The following CCDC171 variants were observed in gnomAD, a reference collection of about 807,000 sequenced individuals.
CCDC171 encodes coiled-coil domain-containing protein 171.
CCDC171 carries 177 observed loss-of-function variants against 168.2 expected under a neutral mutation model. The ratio of observed to expected loss-of-function variants is 1.05; its 90% CI spans 0.93 to 1.19. The LOEUF is 1.19. CCDC171 is among the 50% of genes most tolerant of loss of function. The pLI, the probability that CCDC171 is intolerant of heterozygous loss-of-function variation, is 0.00. For missense variants in CCDC171, 1,991 were observed against 1,539.0 expected (o/e 1.29, Z -4.91); for synonymous variants, 687 against 540.8 (o/e 1.27, Z -3.75).
the CCDC171 span, among the ~76,000 whole-genome samples, chr9:16,072,844 G>A: frequency 1.3e-5 from 2 of 152,178 alleles, no homozygotes; most frequent in Non-Finnish European, 2.9e-5. Flanking sequence ...CTGCGTCTTA[G>A]CATCAATCTT....
At chr9:15,803,998 G>A (rs964403761) in intron 21 of CCDC171, among the ~76,000 whole-genome samples, 2 of 151,948 alleles carry the variant, frequency 1.3e-5, no homozygotes, top group African/African-American at 4.8e-5. Flanking sequence ...TGTGGCAATT[G>A]TGAATGGGAG....
intron 16 of CCDC171, among the ~76,000 whole-genome samples, chr9:15,735,756 A>G (rs1452488289): frequency 6.6e-6 from 1 of 152,104 alleles, no homozygotes; most frequent in East Asian, 1.9e-4. Context: ...TCCTTAAGGT[A>G]TACACGCCAG....
intron 18 of CCDC171, among the ~76,000 whole-genome samples, chr9:15,754,560 C>G (rs1260693398): frequency 6.6e-6 from 1 of 152,034 alleles, no homozygotes; most frequent in Non-Finnish European, 1.5e-5. Context: ...CATTTTCAGG[C>G]TACTAATTAT....
chr9:15,686,105 T>A (rs546650740), intron 10 of CCDC171, among the ~76,000 whole-genome samples: 1 of 152,196 alleles, frequency 6.6e-6, no homozygotes, highest in Non-Finnish European at 1.5e-5. Context: ...AAGAGAATTA[T>A]TTTTGAACTA....
rs1013737854 is a variant in CCDC171 at position 15,973,385 on chromosome 9, T to C, written c.*1549T>C. The stretch of plus-strand genomic sequence containing the variant: ...CTGCTGAGAATTTTTTTATTGGCCT[T>C]GGTAAATAAGATTTTATACTAACTA... On this transcript the variant is annotated 3_prime_UTR_variant, in exon 26 of 26. Transcript: ENST00000380701. The C allele has an allele frequency of 1.3e-5, 2 of 152,144 alleles. No homozygotes were observed. The highest frequency in any genetic ancestry group is 4.8e-5 in the African/African-American group (2 of 41,444). The allele number at this position is 152,144 out of a possible 1,614,324, so 9.4% of individuals were successfully genotyped here. A position where few individuals can be genotyped will look rare whatever the true frequency, so the allele number is the denominator to read the frequency against.
intron 24 of CCDC171, among the ~76,000 whole-genome samples, chr9:15,915,979 A>G (rs1349608755): frequency 6.6e-6 from 1 of 152,012 alleles, no homozygotes; most frequent in East Asian, 1.9e-4. Flanking sequence ...GTTATAGTGT[A>G]TTATCTTTTT....
At chr9:15,958,642 T>C (rs1011722879) in intron 25 of CCDC171, among the ~76,000 whole-genome samples, 2 of 151,520 alleles carry the variant, frequency 1.3e-5, no homozygotes, top group Non-Finnish European at 2.9e-5. Context: ...GGAGTTAACG[T>C]GATGAAGAAG....
chr9:16,020,708 A>G (rs1483738405), exon 4 of CCDC171: 1 of 154,370 alleles, frequency 6.5e-6, no homozygotes, highest in African/African-American at 2.4e-5. Flanking sequence ...GAGCTTACAC[A>G]CCGTGGATAC....
chr9:15,656,029 A>T (rs549996637), intron 7 of CCDC171, among the ~76,000 whole-genome samples: 1 of 152,268 alleles, frequency 6.6e-6, no homozygotes, highest in Non-Finnish European at 1.5e-5. Context: ...GTTTCATAAT[A>T]TTCAATATGG....
chr9:15,991,231 C>T lies in CCDC171; in HGVS notation n.369-29358C>T, dbSNP rs962368050. Among the ~76,000 whole-genome samples, 10 of 152,258 alleles carry T rather than the reference C, an allele frequency of 6.6e-5. No individual in the cohort carries two copies. In the South Asian group the frequency reaches 1.9e-3, roughly 28 times the overall value. ...CAGAAATTATAACAAAAATTATAAA[C>T]TCAGACCACAGTGCGATCAAACTAG... On this transcript the variant is annotated intron_variant and non_coding_transcript_variant, in intron 3 of 9. Coordinates refer to the CCDC171 transcript ENST00000486641.
At chr9:15,905,896 T>C (rs949442047) in intron 24 of CCDC171, among the ~76,000 whole-genome samples, 40 of 152,198 alleles carry the variant, frequency 2.6e-4, no homozygotes, top group African/African-American at 7.7e-4. Context: ...TATGAACACC[T>C]CTACGCAAAT....
At chr9:15,645,953 A>C (rs1411923968) in intron 7 of CCDC171, among the ~76,000 whole-genome samples, 1 of 152,200 alleles carries the variant, frequency 6.6e-6, no homozygotes, top group African/African-American at 2.4e-5. Flanking sequence ...TGTCAGATTC[A>C]CCAAAGTTGA....
chr9:15,889,563 A>G (rs907019508), intron 24 of CCDC171, among the ~76,000 whole-genome samples: 2 of 152,192 alleles, frequency 1.3e-5, no homozygotes, highest in African/African-American at 4.8e-5. Context: ...TGTTATGTGC[A>G]AATCAGATAA....
intron 18 of CCDC171, among the ~76,000 whole-genome samples, chr9:15,763,460 G>T (rs907394678): frequency 2.6e-5 from 4 of 152,172 alleles, no homozygotes; most frequent in African/African-American, 9.7e-5. Flanking sequence ...GGCATGGCCA[G>T]CCCTTATCCA....
At chr9:15,911,631 T>C (rs1823654991) in intron 24 of CCDC171, among the ~76,000 whole-genome samples, 1 of 152,238 alleles carries the variant, frequency 6.6e-6, no homozygotes, top group South Asian at 2.1e-4. Context: ...CATGCCTATG[T>C]CCTGAATGGT....
intron 6 of CCDC171, among the ~76,000 whole-genome samples, chr9:16,029,501 A>G (rs1833333163): frequency 6.6e-6 from 1 of 152,200 alleles, no homozygotes; most frequent in South Asian, 2.1e-4. Context: ...AAGATCTGGG[A>G]TTGATTAGGA....
rs926791058 is a variant in CCDC171 at position 15,578,749 on chromosome 9, G to T, written c.178-100G>T. 5.7e-6 allele frequency: 5 copies of T among 871,894 alleles called. No individual in the cohort carries two copies. In the African/African-American group the frequency reaches 6.9e-5, roughly 12 times the overall value. 54.0% of individuals were successfully genotyped at this position (871,894 alleles called of 1,614,324 possible). On this transcript the variant is annotated intron_variant, in intron 3 of 25. Transcript: ENST00000380701. ...ATATAAATTTATAAATTTTTGCCTT[G>T]TATATATTATGGAAACAAGTTTCTC...
chr9:15,642,238 G>T (rs1446102600), intron 7 of CCDC171, among the ~76,000 whole-genome samples: 1 of 150,862 alleles, frequency 6.6e-6, no homozygotes, highest in Admixed American at 6.6e-5. Context: ...AGGCAAAGCT[G>T]TATATAGTTA....
At chr9:15,572,599 G>A (rs2040320645) in intron 3 of CCDC171, among the ~76,000 whole-genome samples, 1 of 152,172 alleles carries the variant, frequency 6.6e-6, no homozygotes, top group Non-Finnish European at 1.5e-5. Context: ...TAAACAGTAT[G>A]TTTTTCTTCC....
Sources: allele counts gnomAD v4.1 joint callset (sites outside exome capture counted in the v4.1 genomes callset), GRCh38; gene constraint gnomAD v4.1.1; transcripts MANE v1.5; gene names NCBI Gene and HGNC (gene_info 2026-07-23, HGNC 2026-07-21).